Variants in NME7 observed in about 807,000 individuals in gnomAD.
NME7 encodes NME/NM23 family member 7.
In NME7, 41 loss-of-function variants were observed where a neutral mutation model predicts 49.1. The observed-to-expected ratio is 0.83, with a 90% CI of 0.65 to 1.08. The LOEUF (loss-of-function observed/expected upper bound fraction) is 1.08. Among genes scored for constraint, NME7 ranks in the 50% least tolerant of loss-of-function variants. The pLI is 0.00. For missense variants in NME7, 423 were observed against 463.4 expected, an observed-to-expected ratio of 0.91 and a Z score of 0.80; for synonymous variants, 139 against 150.6, an observed-to-expected ratio of 0.92 and a Z score of 0.56.
chr1:169,270,023 G>A lies in NME7; in HGVS notation c.754+17280C>T, dbSNP rs142879572. Among the ~76,000 whole-genome samples the A allele has an allele frequency of 8.3e-5, 11 of 132,634 alleles. 2 individuals are homozygous for A. The highest frequency in any genetic ancestry group is 1.4e-4 in the Non-Finnish European group (8 of 56,540). The allele number at this position is 132,634 out of a possible 152,430, so 87.0% of individuals were successfully genotyped here. ...TGGCCTCAAGCAATCCTCCTACCTCGGCCTCCTAGAGTACTGGGATTACTG... is the reference window on the plus strand; with the variant it reads ...TGGCCTCAAGCAATCCTCCTACCTCAGCCTCCTAGAGTACTGGGATTACTG... On this transcript the variant is annotated intron_variant, in intron 7 of 11. Coordinates refer to ENST00000367811, the MANE Select transcript of NME7 (RefSeq NM_013330.5).
At chr1:169,239,111 G>A (rs1647980902) in intron 7 of NME7, among the ~76,000 whole-genome samples, 1 of 151,976 alleles carries the variant, frequency 6.6e-6, no homozygotes, top group Admixed American at 6.6e-5. Flanking sequence ...AATGTTGAGT[G>A]AGAAAATACA....
At chr1:169,175,721 A>T (rs886168158) in intron 10 of NME7, among the ~76,000 whole-genome samples, 1 of 146,690 alleles carries the variant, frequency 6.8e-6, no homozygotes, top group Admixed American at 6.8e-5. Flanking sequence ...AATTCCAGGA[A>T]AATCTAAGTA....
intron 10 of NME7, among the ~76,000 whole-genome samples, chr1:169,194,664 A>G (rs1235685333): frequency 1.3e-5 from 2 of 152,212 alleles, no homozygotes; most frequent in Non-Finnish European, 2.9e-5. Context: ...TTCTAGTATC[A>G]CAAATAAAAG....
chr1:169,271,945 C>T (rs1446166560), intron 7 of NME7, among the ~76,000 whole-genome samples: 1 of 131,294 alleles, frequency 7.6e-6, no homozygotes. Context: ...ATTAAAATGG[C>T]AGTTTAATCT....
intron 11 of NME7, among the ~76,000 whole-genome samples, chr1:169,136,593 A>C (rs149106221): frequency 9.0e-4 from 137 of 152,340 alleles, no homozygotes; most frequent in South Asian, 3.5e-3. Flanking sequence ...TACATGGTCT[A>C]AACTATTCTC....
chr1:169,274,552 C>T (rs1649624211), intron 7 of NME7, among the ~76,000 whole-genome samples: 1 of 133,480 alleles, frequency 7.5e-6, no homozygotes, highest in African/African-American at 2.5e-5. Context: ...ATGCCTATGT[C>T]CTGAATGGTA....
intron 7 of NME7, among the ~76,000 whole-genome samples, chr1:169,239,757 GAGA>G (rs1366535828): frequency 1.3e-5 from 2 of 151,984 alleles, no homozygotes; most frequent in African/African-American, 4.8e-5. Flanking sequence ...TAAAGAGCTG[GAGA>G]AGAATACATA....
chr1:169,291,022 G>A (rs1460374761), intron 6 of NME7, among the ~76,000 whole-genome samples: 1 of 152,170 alleles, frequency 6.6e-6, no homozygotes, highest in Non-Finnish European at 1.5e-5. Context: ...AGATGCTGGA[G>A]AGGATGTGGA....
At chr1:169,179,416 T>C (rs1338847377) in intron 10 of NME7, among the ~76,000 whole-genome samples, 1 of 152,176 alleles carries the variant, frequency 6.6e-6, no homozygotes, top group African/African-American at 2.4e-5. Flanking sequence ...CTCAAAGACC[T>C]AGAGGCAGAA....
At chr1:169,350,405 A>G (rs139310464) in intron 1 of NME7, among the ~76,000 whole-genome samples, 86 of 152,202 alleles carry the variant, frequency 5.7e-4, no homozygotes, top group Middle Eastern at 3.4e-3. Flanking sequence ...CTTTGAAAGT[A>G]GATGGATCCA....
intron 1 of NME7, among the ~76,000 whole-genome samples, chr1:169,345,199 G>C (rs1225131316): frequency 6.7e-6 from 1 of 149,604 alleles, no homozygotes; most frequent in Admixed American, 6.7e-5. Flanking sequence ...TCCTGATTTT[G>C]ATAATTTGTA....
intron 7 of NME7, among the ~76,000 whole-genome samples, chr1:169,248,635 C>G (rs1195180011): frequency 6.6e-6 from 1 of 152,034 alleles, no homozygotes. Flanking sequence ...ATCTTTGAAC[C>G]ATCTTGAGAT....
At chr1:169,365,635 GC>G in intron 1 of NME7, among the ~76,000 whole-genome samples, 1 of 152,272 alleles carries the variant, frequency 6.6e-6, no homozygotes, top group East Asian at 1.9e-4. Flanking sequence ...GAACTTGTGT[GC>G]CATTCTAGAC....
intron 7 of NME7, chr1:169,284,080 ACAC>A (rs1343579603): frequency 6.6e-6 from 1 of 152,170 alleles, no homozygotes; most frequent in African/African-American, 2.4e-5. Context: ...ACTTTCAGGT[ACAC>A]CAATCAAACG....
At chr1:169,151,382 A>G (rs1041014754) in intron 11 of NME7, among the ~76,000 whole-genome samples, 2 of 152,082 alleles carry the variant, frequency 1.3e-5, no homozygotes, top group Non-Finnish European at 2.9e-5. Flanking sequence ...ATGACTGGAC[A>G]AGGCTTTGGT....
intron 9 of NME7, among the ~76,000 whole-genome samples, chr1:169,232,903 T>G (rs1045568305): frequency 5.3e-5 from 6 of 113,866 alleles, no homozygotes; most frequent in Admixed American, 1.9e-4. Context: ...CTTTCTGTTG[T>G]TTTCTTTTCT....
At chr1:169,342,566 CA>C (rs1179115518) in intron 1 of NME7, among the ~76,000 whole-genome samples, 1 of 93,544 alleles carries the variant, frequency 1.1e-5, no homozygotes. Flanking sequence ...TATACAAGTA[CA>C]TATATATAGT....
chr1:169,364,966 C>A (rs1300819722), intron 1 of NME7, among the ~76,000 whole-genome samples: 2 of 152,204 alleles, frequency 1.3e-5, no homozygotes, highest in Admixed American at 6.5e-5. Context: ...CCAGAGGTCA[C>A]AAGATTTGTA....
At chr1:169,184,496 T>C (rs1284170513) in intron 10 of NME7, among the ~76,000 whole-genome samples, 1 of 152,296 alleles carries the variant, frequency 6.6e-6, no homozygotes, top group East Asian at 1.9e-4. Context: ...CCTCTCCCTC[T>C]CAACTCAGTT....
Sources: allele counts gnomAD v4.1 joint callset (sites outside exome capture counted in the v4.1 genomes callset), GRCh38; gene constraint gnomAD v4.1.1; transcripts MANE v1.5; gene names NCBI Gene and HGNC (gene_info 2026-07-23, HGNC 2026-07-21).